Variants in SLC4A4 observed in about 807,000 individuals in gnomAD.
SLC4A4 encodes solute carrier family 4 member 4.
In SLC4A4, 27 loss-of-function variants were observed where a neutral mutation model predicts 111.5. The observed-to-expected ratio is 0.24, with a 90% CI of 0.18 to 0.33. The LOEUF (loss-of-function observed/expected upper bound fraction) is 0.33, where lower values mean the gene tolerates loss of function less well. Among genes scored for constraint, SLC4A4 ranks in the 10% least tolerant of loss-of-function variants. The pLI, the probability that SLC4A4 is intolerant of heterozygous loss-of-function variation, is 1.00. For missense variants in SLC4A4, 909 were observed against 1,315.5 expected (o/e 0.69, Z 4.78); for synonymous variants, 443 against 463.4 (o/e 0.96, Z 0.57).
Position 71,157,538 on chromosome 4 carries a change from G to C in SLC4A4, c.-2+64746G>C, listed in dbSNP as rs72648790. Among the ~76,000 whole-genome samples, 486 of 151,712 alleles carry C rather than the reference G, an allele frequency of 3.2e-3. 2 individuals are homozygous for C. Among genetic ancestry groups the C allele is most frequent in the Non-Finnish European group, 5.2e-3 (350 of 67,944 alleles). On this transcript the variant is annotated intron_variant, in intron 2 of 26. Transcript: ENST00000649996. ...TTAGCATAAGCAATATTTTATCATT[G>C]GCTTTGCACTTACTATTTTTGCATA...
chr4:71,337,475 T>C (rs929563304), intron 3 of SLC4A4, among the ~76,000 whole-genome samples: 1 of 152,200 alleles, frequency 6.6e-6, no homozygotes, highest in Non-Finnish European at 1.5e-5. Flanking sequence ...AGTTGTACCA[T>C]ACTTTATTTA....
At chr4:71,115,346 TA>T (rs534071799) in intron 2 of SLC4A4, among the ~76,000 whole-genome samples, 1 of 148,640 alleles carries the variant, frequency 6.7e-6, no homozygotes, top group South Asian at 2.1e-4. Context: ...TAATAAAAAA[TA>T]AAAAAATAAA....
chr4:71,512,097 T>C (rs1322821369), intron 16 of SLC4A4, among the ~76,000 whole-genome samples: 1 of 152,140 alleles, frequency 6.6e-6, no homozygotes, highest in Non-Finnish European at 1.5e-5. Flanking sequence ...AGATTTCCTA[T>C]CCCTTTGATA....
At chr4:71,369,899 T>C (rs1731702089) in intron 6 of SLC4A4, among the ~76,000 whole-genome samples, 1 of 152,238 alleles carries the variant, frequency 6.6e-6, no homozygotes, top group South Asian at 2.1e-4. Flanking sequence ...AACAATTGTA[T>C]AAAATGATAA....
At chr4:71,097,040 G>A (rs1053525858) in intron 2 of SLC4A4, among the ~76,000 whole-genome samples, 1 of 152,082 alleles carries the variant, frequency 6.6e-6, no homozygotes, top group African/African-American at 2.4e-5. Context: ...GTTTGTTTTA[G>A]GTTTAGGGGT....
intron 3 of SLC4A4, among the ~76,000 whole-genome samples, chr4:71,325,871 ATG>A (rs999878698): frequency 2.0e-5 from 3 of 151,608 alleles, no homozygotes; most frequent in Admixed American, 6.6e-5. Flanking sequence ...GACCACTACA[ATG>A]TGTGTGTGTG....
At chr4:71,241,176 A>G (rs1249040751) in intron 2 of SLC4A4, among the ~76,000 whole-genome samples, 1 of 152,168 alleles carries the variant, frequency 6.6e-6, no homozygotes, top group Non-Finnish European at 1.5e-5. Flanking sequence ...TAGTACTCTT[A>G]TTCTAATGAA....
At chr4:71,414,820 C>T (rs1721696035) in intron 7 of SLC4A4, among the ~76,000 whole-genome samples, 1 of 152,064 alleles carries the variant, frequency 6.6e-6, no homozygotes, top group Non-Finnish European at 1.5e-5. Flanking sequence ...TTTAGCATCT[C>T]TTTTTTGGGG....
intron 2 of SLC4A4, among the ~76,000 whole-genome samples, chr4:71,174,135 C>T (rs1346598661): frequency 1.3e-5 from 2 of 152,012 alleles, no homozygotes; most frequent in African/African-American, 2.4e-5. Context: ...CAGCTATGAA[C>T]TGGGTTTGAA....
intron 1 of SLC4A4, among the ~76,000 whole-genome samples, chr4:71,229,373 G>A (rs1323511317): frequency 6.6e-6 from 1 of 152,224 alleles, no homozygotes; most frequent in Admixed American, 6.5e-5. Flanking sequence ...TTCATGTACA[G>A]GTTTTTGGGT....
chr4:71,448,848 T>G (rs1725500933), intron 9 of SLC4A4, among the ~76,000 whole-genome samples: 2 of 152,212 alleles, frequency 1.3e-5, no homozygotes, highest in Non-Finnish European at 2.9e-5. Context: ...ATGTTCCATG[T>G]GGTGATTACT....
chr4:71,420,444 T>C (rs896647120), intron 7 of SLC4A4, among the ~76,000 whole-genome samples: 4 of 152,006 alleles, frequency 2.6e-5, no homozygotes, highest in African/African-American at 9.7e-5. Flanking sequence ...TTCCCCAATC[T>C]AGCAAGGCAG....
At chr4:71,091,360 C>G (rs1209574048) in intron 1 of SLC4A4, among the ~76,000 whole-genome samples, 3 of 151,272 alleles carry the variant, frequency 2.0e-5, no homozygotes, top group Admixed American at 1.3e-4. Context: ...TCACGCCATT[C>G]TCCTGCCTCA....
chr4:71,116,457 C>CA (rs1418562631), intron 2 of SLC4A4, among the ~76,000 whole-genome samples: 3 of 152,200 alleles, frequency 2.0e-5, no homozygotes, highest in Admixed American at 6.5e-5. Flanking sequence ...TACAGCCACA[C>CA]AATGCTTAAA....
chr4:71,205,142 T>C (rs892286751), intron 1 of SLC4A4, among the ~76,000 whole-genome samples: 1 of 152,154 alleles, frequency 6.6e-6, no homozygotes, highest in Non-Finnish European at 1.5e-5. Flanking sequence ...GAATATCTAC[T>C]GATTAGCTCT....
intron 8 of SLC4A4, among the ~76,000 whole-genome samples, chr4:71,444,902 T>C (rs1287913346): frequency 6.6e-6 from 1 of 152,184 alleles, no homozygotes; most frequent in East Asian, 1.9e-4. Flanking sequence ...ATTTATCATT[T>C]TAAGGAGGCA....
intron 3 of SLC4A4, among the ~76,000 whole-genome samples, chr4:71,307,685 A>G (rs534758370): frequency 6.6e-6 from 1 of 152,336 alleles, no homozygotes; most frequent in East Asian, 1.9e-4. Context: ...ATCTTTTCAG[A>G]TGTTGTCTGA....
Position 71,443,408 on chromosome 4 carries a change from C to T in SLC4A4, c.965+2635C>T, listed in dbSNP as rs559113856. Among the ~76,000 whole-genome samples, 180 of 151,964 alleles carry T rather than the reference C, an allele frequency of 1.2e-3. 1 individual carries two copies. The highest frequency in any genetic ancestry group is 6.8e-3 in the Middle Eastern group (2 of 294). On this transcript the variant is annotated intron_variant, in intron 8 of 25. Coordinates refer to ENST00000264485, the MANE Select transcript of SLC4A4 (RefSeq NM_001098484.3). Reference sequence around the variant, plus strand: ...CAAGTAATCCACCCGCCTCGGCCTCCCAAAGTGCTGGGATTACAGGCATGA... The same window carrying T: ...CAAGTAATCCACCCGCCTCGGCCTCTCAAAGTGCTGGGATTACAGGCATGA...
intron 1 of SLC4A4, among the ~76,000 whole-genome samples, chr4:71,199,224 C>T (rs923071768): frequency 6.6e-6 from 1 of 152,178 alleles, no homozygotes; most frequent in African/African-American, 2.4e-5. Flanking sequence ...CTCAGCATGT[C>T]TTATCTCAGC....
Sources: gnomAD v4.1 joint callset for allele counts (sites outside exome capture counted in the v4.1 genomes callset) on GRCh38, gnomAD v4.1.1 for gene constraint, MANE v1.5 for transcripts, NCBI Gene and HGNC (gene_info 2026-07-23, HGNC 2026-07-21) for gene names.